Variants in IQGAP2 observed in about 807,000 individuals in gnomAD.
IQGAP2 encodes the protein ras GTPase-activating-like protein IQGAP2.
A neutral mutation model predicts 201.3 loss-of-function variants in IQGAP2; 173 were observed. That is an observed-to-expected ratio of 0.86 (90% confidence interval 0.76 to 0.98). IQGAP2 has a LOEUF of 0.98. Among genes scored for constraint, IQGAP2 ranks in the 50% least tolerant of loss-of-function variants. The pLI is 0.00. For synonymous variants in IQGAP2, 675 were observed against 673.9 expected (o/e 1.00, Z -0.03); for missense variants, 1,687 against 1,864.8 (o/e 0.90, Z 1.76).
intron 14 of IQGAP2, chr5:76,628,817 C>G (rs557049388): frequency 2.4e-6 from 1 of 418,484 alleles, no homozygotes; most frequent in Non-Finnish European, 4.7e-6. Context: ...CTTTCTAGCA[C>G]GCCTTAAGAA....
chr5:76,552,764 G>A (rs55668415), intron 2 of IQGAP2, among the ~76,000 whole-genome samples: 3 of 152,130 alleles, frequency 2.0e-5, no homozygotes, highest in Non-Finnish European at 4.4e-5. Context: ...ACGTTCTGTG[G>A]AACACAGTTT....
chr5:76,610,118 T>A (rs1163050907), intron 12 of IQGAP2, among the ~76,000 whole-genome samples: 19 of 45,474 alleles, frequency 4.2e-4, no homozygotes, highest in Non-Finnish European at 5.1e-4. Context: ...ATATATATTT[T>A]TTTTTTTTTT....
intron 2 of IQGAP2, among the ~76,000 whole-genome samples, chr5:76,465,375 C>T (rs184088560): frequency 4.6e-5 from 7 of 152,210 alleles, no homozygotes; most frequent in East Asian, 3.9e-4. Context: ...TGACTTAAAA[C>T]GTTCAACAAA....
Position 76,551,697 on chromosome 5 carries a change from T to C in IQGAP2, c.147-10699T>C, listed in dbSNP as rs554851545. ...GCGAAACCCCGTCTCCACCAAAAAA[T>C]GCAAAAACCAGTCAGGCGTGGCTGC... On this transcript the variant is annotated intron_variant, in intron 2 of 35. Transcript: ENST00000274364. 4.0e-5 allele frequency among the ~76,000 whole-genome samples: 6 copies of C among 151,880 alleles called. No individual in the cohort carries two copies. In the South Asian group the frequency reaches 1.2e-3, roughly 32 times the overall value.
chr5:76,707,332 T>TG lies in IQGAP2; in HGVS notation c.*19_*20insG. 1 of 1,064,458 alleles carries TG rather than the reference T, an allele frequency of 9.4e-7. No homozygotes were observed. Among genetic ancestry groups the TG allele is most frequent in the Non-Finnish European group, 1.5e-6 (1 of 682,526 alleles). The allele number at this position is 1,064,458 out of a possible 1,614,324, so 65.9% of individuals were successfully genotyped here. On this transcript the variant is annotated 3_prime_UTR_variant, in exon 36 of 36. Transcript: ENST00000274364. Reference sequence around the variant, plus strand: ...AAAGTGAAGTGCCTACAGAAATTTCTTGGATTCTGTATCATCTGGATTAGG... The same window carrying TG: ...AAAGTGAAGTGCCTACAGAAATTTCTGTGGATTCTGTATCATCTGGATTAGG...
chr5:76,419,562 T>G (rs1239157966), intron 1 of IQGAP2, among the ~76,000 whole-genome samples: 2 of 152,268 alleles, frequency 1.3e-5, no homozygotes, highest in East Asian at 3.9e-4. Flanking sequence ...GGTCTCGAAC[T>G]CCTGATCTCA....
chr5:76,631,178 T>C (rs370139105), intron 14 of IQGAP2, among the ~76,000 whole-genome samples: 14 of 152,166 alleles, frequency 9.2e-5, no homozygotes, highest in African/African-American at 2.7e-4. Flanking sequence ...GTCCTATCGA[T>C]TGGACATTCT....
intron 14 of IQGAP2, among the ~76,000 whole-genome samples, chr5:76,629,319 A>G (rs1750508990): frequency 6.6e-6 from 1 of 152,238 alleles, no homozygotes; most frequent in South Asian, 2.1e-4. Context: ...TGAAGACTTG[A>G]AATAGATTCT....
intron 24 of IQGAP2, among the ~76,000 whole-genome samples, chr5:76,672,321 T>G (rs533159284): frequency 1.3e-4 from 20 of 152,318 alleles, no homozygotes; most frequent in Non-Finnish European, 2.4e-4. Flanking sequence ...CAAGTAACTT[T>G]AAGGTGTAAG....
chr5:76,605,299 G>T (rs934339319), intron 11 of IQGAP2, among the ~76,000 whole-genome samples: 2 of 152,160 alleles, frequency 1.3e-5, no homozygotes, highest in African/African-American at 2.4e-5. Flanking sequence ...CTTCCAGAGG[G>T]CTATGCACAG....
chr5:76,664,802 T>C (rs1743592988), intron 21 of IQGAP2, among the ~76,000 whole-genome samples: 1 of 152,146 alleles, frequency 6.6e-6, no homozygotes, highest in Non-Finnish European at 1.5e-5. Context: ...AAGCACATGC[T>C]ATTGGAAAAA....
intron 17 of IQGAP2, among the ~76,000 whole-genome samples, chr5:76,644,302 T>TTTTTTTTTTTTTTTTTTTTTTTTC (rs1751850104): frequency 1.8e-5 from 1 of 55,962 alleles, no homozygotes; most frequent in Non-Finnish European, 4.7e-5. Context: ...ATCCTTTTTT[T>TTTTTTTTTTTTTTTTTTTTTTTTC]TTTTTTTTTT....
At chr5:76,655,583 G>T (rs775106297) in intron 20 of IQGAP2, among the ~76,000 whole-genome samples, 41 of 152,058 alleles carry the variant, frequency 2.7e-4, no homozygotes, top group Admixed American at 2.0e-4. Flanking sequence ...GAGTAGCTGG[G>T]GTTACAGGCA....
intron 1 of IQGAP2, among the ~76,000 whole-genome samples, chr5:76,413,132 A>G (rs886081023): frequency 1.5e-4 from 12 of 82,352 alleles, no homozygotes. Flanking sequence ...TCCTAGCCCT[A>G]TTTTCTTTTT....
chr5:76,697,446 C>T (rs1746859661), intron 32 of IQGAP2, among the ~76,000 whole-genome samples: 1 of 152,188 alleles, frequency 6.6e-6, no homozygotes, highest in African/African-American at 2.4e-5. Context: ...GAGTTCAAGA[C>T]CAGCCTGACC....
At chr5:76,676,900 T>G (rs1561582044) in intron 27 of IQGAP2, among the ~76,000 whole-genome samples, 1 of 152,238 alleles carries the variant, frequency 6.6e-6, no homozygotes, top group Admixed American at 6.5e-5. Context: ...TTTTGACTTT[T>G]TAAGTTTCAG....
intron 35 of IQGAP2, 106 bp downstream of exon 35, chr5:76,702,696 A>G: frequency 1.6e-6 from 1 of 639,440 alleles, no homozygotes. Flanking sequence ...TTAACAGAAA[A>G]CCAGTGCCAG....
Position 76,702,535 on chromosome 5 carries a change from A to G in IQGAP2, c.4559A>G (p.Asp1520Gly). Residue 1520 changes from aspartate to glycine, a missense_variant, in exon 35 of 36, where the codon GAT becomes GGT. Asp to Gly is a moderately conservative substitution (Grantham distance 94). Coordinates refer to ENST00000274364, the MANE Select transcript of IQGAP2 (RefSeq NM_006633.5). ...GCTACTGAAGATGTAGGCATTTTCG[A>G]TGTAAGATCAAAATTCCTTGGTGTT... ...IIATEDVGIFDVRSKFLGVEM... is the reference protein window; with the variant it reads ...IIATEDVGIFGVRSKFLGVEM... The G allele has an allele frequency of 6.2e-7, 1 of 1,602,482 alleles. No individual in the cohort carries two copies. Among genetic ancestry groups the G allele is most frequent in the Non-Finnish European group, 8.6e-7 (1 of 1,169,424 alleles).
chr5:76,457,735 A>T (rs1333802482), intron 1 of IQGAP2, among the ~76,000 whole-genome samples: 2 of 152,124 alleles, frequency 1.3e-5, no homozygotes, highest in African/African-American at 4.8e-5. Context: ...CTCCTAAAGG[A>T]CCCTTTCATT....
Sources: allele counts gnomAD v4.1 joint callset (sites outside exome capture counted in the v4.1 genomes callset), GRCh38; gene constraint gnomAD v4.1.1; transcripts MANE v1.5; gene names NCBI Gene and HGNC (gene_info 2026-07-23, HGNC 2026-07-21).